The following ITGB3BP variants were observed in gnomAD, a reference collection of about 807,000 sequenced individuals.
ITGB3BP encodes the protein centromere protein R.
A neutral mutation model predicts 29.1 loss-of-function variants in ITGB3BP; 27 were observed. The ratio of observed to expected loss-of-function variants is 0.93; its 90% CI spans 0.68 to 1.28. ITGB3BP has a LOEUF of 1.28. Ranked by LOEUF, ITGB3BP falls within the 50% of genes most tolerant of loss-of-function variation. The probability of loss-of-function intolerance (pLI) is 0.00; values close to 1 mark genes in which losing one functional copy is unlikely to be tolerated. For synonymous variants in ITGB3BP, 61 were observed against 61.4 expected (o/e 0.99, Z 0.03); for missense variants, 192 against 200.2 (o/e 0.96, Z 0.25).
intron 1 of ITGB3BP, among the ~76,000 whole-genome samples, chr1:63,510,635 C>A (rs1646180117): frequency 6.6e-6 from 1 of 151,844 alleles, no homozygotes; most frequent in Non-Finnish European, 1.5e-5. Context: ...TAGAAGAAAT[C>A]TAAGAAATCA....
chr1:63,480,626 C>T (rs187891101), intron 3 of ITGB3BP, among the ~76,000 whole-genome samples: 171 of 151,864 alleles, frequency 1.1e-3, no homozygotes, highest in Middle Eastern at 6.8e-3. Context: ...GGACCTATGT[C>T]TTCCTCAAAA....
At chr1:63,527,907 T>C (rs1254085000), upstream of ITGB3BP, 1 of 152,180 alleles carries the variant, frequency 6.6e-6, no homozygotes, top group Admixed American at 6.5e-5. Flanking sequence ...ACAGAAGATA[T>C]AATTTTCTTT....
intron 2 of ITGB3BP, among the ~76,000 whole-genome samples, chr1:63,497,124 G>A (rs1186159340): frequency 6.6e-6 from 1 of 152,096 alleles, no homozygotes; most frequent in African/African-American, 2.4e-5. Context: ...AGGAATAAAT[G>A]TATGAAGCAA....
At chr1:63,504,968 TTC>T (rs1381403303) in intron 2 of ITGB3BP, among the ~76,000 whole-genome samples, 1 of 152,190 alleles carries the variant, frequency 6.6e-6, no homozygotes. Context: ...TGGTCTAAAA[TTC>T]TCTTTTTTTG....
At position 63,478,767 on chromosome 1, in the gene ITGB3BP, T is replaced by A. The variant is rs921737726; in HGVS notation, c.251A>T (p.Asp84Val). The A allele has an allele frequency of 7.0e-7, 1 of 1,433,498 alleles. No homozygotes were observed. The highest frequency in any genetic ancestry group is 1.5e-5 in the African/African-American group (1 of 68,180). 88.8% of individuals were successfully genotyped at this position (1,433,498 alleles called of 1,614,324 possible). The change falls in exon 4 of 9, where the codon GAT (aspartate) becomes GTT (valine). Residue 84 changes from aspartate to valine, a missense_variant. Transcript: ENST00000271002. ...ATTTCAAAAATAACAAACTTACTCATCATTGTCTTTTGTTGTAGATTCTTT... is the reference window on the plus strand; with the variant it reads ...ATTTCAAAAATAACAAACTTACTCAACATTGTCTTTTGTTGTAGATTCTTT... ...ESKESTTKDN[D>V]EFMMLLSKVE... is the part of the protein sequence containing the mutation.
intron 7 of ITGB3BP, chr1:63,447,500 T>A (rs561395014): frequency 6.4e-5 from 29 of 454,856 alleles, no homozygotes; most frequent in Admixed American, 3.6e-4. Context: ...CACTACAACA[T>A]GATACATTTA....
rs11805217 is a variant in ITGB3BP at position 63,470,263 on chromosome 1, G to A, written c.254+8501C>T. On this transcript the variant is annotated intron_variant, in intron 4 of 8. Coordinates refer to ENST00000271002, the MANE Select transcript of ITGB3BP (RefSeq NM_014288.5). Reference sequence around the variant, plus strand: ...TGTGTGTGTCTTTAATTCCTCTAGCGCCACTGGGTTAGGGTCTCCCCGACC... The same window carrying A: ...TGTGTGTGTCTTTAATTCCTCTAGCACCACTGGGTTAGGGTCTCCCCGACC... Among the ~76,000 whole-genome samples the A allele has an allele frequency of 6.9e-3, 1,048 of 152,196 alleles. 14 individuals are homozygous for A. Among genetic ancestry groups the A allele is most frequent in the African/African-American group, 0.024 (982 of 41,516 alleles).
intron 4 of ITGB3BP, among the ~76,000 whole-genome samples, chr1:63,468,493 C>G (rs565983653): frequency 6.6e-6 from 1 of 151,978 alleles, no homozygotes; most frequent in Non-Finnish European, 1.5e-5. Flanking sequence ...TTTGGGAGGC[C>G]GAGGCAGGCA....
intron 8 of ITGB3BP, among the ~76,000 whole-genome samples, chr1:63,441,483 A>C (rs1644730189): frequency 6.6e-6 from 1 of 152,016 alleles, no homozygotes; most frequent in African/African-American, 2.4e-5. Flanking sequence ...TGATCTGCCC[A>C]CCTCGGCCTC....
intron 7 of ITGB3BP, among the ~76,000 whole-genome samples, chr1:63,448,603 TCTAA>T (rs1403179148): frequency 1.3e-5 from 2 of 152,150 alleles, no homozygotes; most frequent in African/African-American, 4.8e-5. Context: ...AGATAATTTA[TCTAA>T]CTCTTTTTTT....
chr1:63,447,046 G>A, intron 7 of ITGB3BP, 190 bp from the exon 8 acceptor site: 1 of 551,974 alleles, frequency 1.8e-6, no homozygotes, highest in Non-Finnish European at 3.3e-6. Context: ...TTCTATTTCA[G>A]AATATACATT....
intron 2 of ITGB3BP, among the ~76,000 whole-genome samples, chr1:63,499,522 A>G (rs1645873369): frequency 6.6e-6 from 1 of 152,178 alleles, no homozygotes; most frequent in Non-Finnish European, 1.5e-5. Flanking sequence ...AACACTTCCT[A>G]ATTCTTTGAA....
intron 4 of ITGB3BP, among the ~76,000 whole-genome samples, chr1:63,471,119 G>A (rs1171067219): frequency 3.3e-5 from 5 of 152,172 alleles, no homozygotes; most frequent in African/African-American, 1.2e-4. Flanking sequence ...GGATTGTCTT[G>A]CAAATCTTTT....
At position 63,523,149 on chromosome 1, in the gene ITGB3BP, A is replaced by C; in HGVS notation, c.-16T>G. 1 of 1,614,142 alleles carries C rather than the reference A, an allele frequency of 6.2e-7. No homozygotes were observed. The highest frequency in any genetic ancestry group is 8.5e-7 in the Non-Finnish European group (1 of 1,180,028). ...CCTACGGCATTCTGAGATTCGGGAA[A>C]GCACCACTGCCGCTGAATAAAACGA... On this transcript the variant is annotated 5_prime_UTR_variant, in exon 1 of 9. Coordinates refer to ENST00000271002, the MANE Select transcript of ITGB3BP (RefSeq NM_014288.5).
chr1:63,501,884 A>G (rs1645939358), intron 2 of ITGB3BP, among the ~76,000 whole-genome samples: 1 of 151,486 alleles, frequency 6.6e-6, no homozygotes. Flanking sequence ...AAAGTGTCTT[A>G]CTAATAAGTT....
At chr1:63,511,620 G>T (rs1237472269) in intron 1 of ITGB3BP, among the ~76,000 whole-genome samples, 1 of 151,990 alleles carries the variant, frequency 6.6e-6, no homozygotes, top group Non-Finnish European at 1.5e-5. Flanking sequence ...AAAAAGAAAT[G>T]AAATTTGACA....
In ITGB3BP at chr1:63,454,028, C is replaced by A. The variant is rs1490650099; in HGVS notation, c.428-54G>T. On this transcript the variant is annotated intron_variant, in intron 6 of 8. Transcript: ENST00000271002. The surrounding 1 kb of genome is among the most constrained non-coding windows in gnomAD (Gnocchi z 4.1). ...AATTAACATAGAATATGGATAATTTCTCAATACTTGCAACAAACAACTTCA... is the reference window on the plus strand; with the variant it reads ...AATTAACATAGAATATGGATAATTTATCAATACTTGCAACAAACAACTTCA... 2 of 988,576 alleles carry A rather than the reference C, an allele frequency of 2.0e-6. No individual in the cohort carries two copies. The highest frequency in any genetic ancestry group is 1.6e-6 in the Non-Finnish European group (1 of 641,442). The allele number at this position is 988,576 out of a possible 1,614,324, so 61.2% of individuals were successfully genotyped here.
At chr1:63,469,892 CG>C (rs1557621527) in intron 4 of ITGB3BP, among the ~76,000 whole-genome samples, 1 of 152,198 alleles carries the variant, frequency 6.6e-6, no homozygotes, top group Non-Finnish European at 1.5e-5. Context: ...ATGGCCGTAA[CG>C]CCCACGCTGT....
At chr1:63,480,858 T>A (rs907051142) in intron 3 of ITGB3BP, among the ~76,000 whole-genome samples, 60 of 152,166 alleles carry the variant, frequency 3.9e-4, no homozygotes, top group African/African-American at 1.3e-3. Context: ...AGAATAACAA[T>A]ATATTATGAT....
Sources: allele counts gnomAD v4.1 joint callset (sites outside exome capture counted in the v4.1 genomes callset), GRCh38; gene constraint gnomAD v4.1.1; non-coding constraint Gnocchi (gnomAD v3.1); transcripts MANE v1.5; gene names NCBI Gene and HGNC (gene_info 2026-07-23, HGNC 2026-07-21).